The following SDK1 variants were observed in gnomAD, a reference collection of about 807,000 sequenced individuals.
SDK1 encodes protein sidekick-1.
In SDK1, 157 loss-of-function variants were observed where a neutral mutation model predicts 245.5. That is an observed-to-expected ratio of 0.64 (90% CI 0.56 to 0.73). SDK1 has a LOEUF of 0.73. SDK1 is among the 30% of genes least tolerant of loss of function. The pLI is 0.00. For missense variants in SDK1, 3,583 were observed against 3,002.3 expected (o/e 1.19, Z -4.52); for synonymous variants, 1,647 against 1,278.5 (o/e 1.29, Z -6.15).
intron 14 of SDK1, among the ~76,000 whole-genome samples, chr7:3,989,464 C>G (rs987606644): frequency 6.6e-6 from 1 of 152,152 alleles, no homozygotes; most frequent in Non-Finnish European, 1.5e-5. Context: ...ATCATTTATT[C>G]CAGATGAGGG....
At chr7:3,581,153 C>T in intron 1 of SDK1, among the ~76,000 whole-genome samples, 1 of 152,026 alleles carries the variant, frequency 6.6e-6, no homozygotes, top group Admixed American at 6.6e-5. Flanking sequence ...GCAAAATAAA[C>T]TATCAACAGA....
intron 4 of SDK1, among the ~76,000 whole-genome samples, chr7:3,766,970 T>G (rs1780272691): frequency 6.6e-6 from 1 of 152,216 alleles, no homozygotes; most frequent in Non-Finnish European, 1.5e-5. Flanking sequence ...AGCATTGGGT[T>G]TTCGTAGCTA....
chr7:3,405,404 A>C (rs1779024073), intron 1 of SDK1, among the ~76,000 whole-genome samples: 1 of 152,022 alleles, frequency 6.6e-6, no homozygotes, highest in African/African-American at 2.4e-5. Context: ...AGTTGCATGC[A>C]AACAGGCTGT....
chr7:3,849,604 C>T (rs1279872766), intron 5 of SDK1, among the ~76,000 whole-genome samples: 1 of 152,138 alleles, frequency 6.6e-6, no homozygotes, highest in Admixed American at 6.5e-5. Flanking sequence ...TTGGAAGATC[C>T]TGTGAGCCTT....
At chr7:3,963,132 C>A (rs1583652197) in intron 9 of SDK1, among the ~76,000 whole-genome samples, 1 of 114,774 alleles carries the variant, frequency 8.7e-6, no homozygotes, top group East Asian at 2.7e-4. Flanking sequence ...GCTACCTGAT[C>A]TGGACGTATC....
intron 1 of SDK1, among the ~76,000 whole-genome samples, chr7:3,541,046 C>T (rs1455178401): frequency 6.6e-6 from 1 of 152,136 alleles, no homozygotes; most frequent in Non-Finnish European, 1.5e-5. Context: ...AACAGATTTC[C>T]AAAGTGTCTC....
intron 25 of SDK1, among the ~76,000 whole-genome samples, chr7:4,123,603 CT>C (rs1276136206): frequency 6.6e-6 from 1 of 152,176 alleles, no homozygotes; most frequent in Non-Finnish European, 1.5e-5. Context: ...CAAGTATTCC[CT>C]TTCCGTGACA....
At chr7:3,843,629 C>G (rs1029386677) in intron 5 of SDK1, among the ~76,000 whole-genome samples, 1 of 152,142 alleles carries the variant, frequency 6.6e-6, no homozygotes, top group African/African-American at 2.4e-5. Flanking sequence ...TTATTGTGGG[C>G]ACTCAGACAT....
intron 1 of SDK1, among the ~76,000 whole-genome samples, chr7:3,509,235 T>C (rs900257226): frequency 6.6e-6 from 1 of 152,156 alleles, no homozygotes; most frequent in Admixed American, 6.5e-5. Context: ...ACCACTTCTG[T>C]TACAGATGCT....
intron 1 of SDK1, among the ~76,000 whole-genome samples, chr7:3,432,067 C>A (rs1779863490): frequency 6.7e-6 from 1 of 149,968 alleles, no homozygotes; most frequent in South Asian, 2.1e-4. Context: ...ATAACTCAGT[C>A]AGTCTGTGTG....
At chr7:3,331,126 T>C (rs1780058509) in intron 1 of SDK1, among the ~76,000 whole-genome samples, 1 of 151,980 alleles carries the variant, frequency 6.6e-6, no homozygotes. Context: ...TAGCTGGGTG[T>C]GGTGGTGTGC....
chr7:4,130,553 C>T (rs1182491795), intron 27 of SDK1: 1 of 157,854 alleles, frequency 6.3e-6, no homozygotes, highest in Non-Finnish European at 1.4e-5. Context: ...CCTTACTTCC[C>T]TCGGTACTGC....
At chr7:4,248,159 C>G (rs79220655) in intron 44 of SDK1, among the ~76,000 whole-genome samples, 369 of 152,250 alleles carry the variant, frequency 2.4e-3, no homozygotes, top group African/African-American at 8.6e-3. Context: ...TGCATGCACA[C>G]ATGAACACAT....
Position 4,267,409 on chromosome 7 carries a change from G to T in SDK1, c.*2025G>T, listed in dbSNP as rs59185934. 5.4e-3 allele frequency: 5,291 copies of T among 985,022 alleles called. 151 individuals carry two copies. The African/African-American group carries it at 0.064, about 12-fold the overall frequency. 61.0% of individuals were successfully genotyped at this position (985,022 alleles called of 1,614,324 possible). On this transcript the variant is annotated 3_prime_UTR_variant, in exon 45 of 45. Transcript: ENST00000404826. Reference sequence around the variant, plus strand: ...CTAAACCAAAAATCCTAGATGCTCTGCCCAAAGCCACTTCTGCATGAGAAT... The same window carrying T: ...CTAAACCAAAAATCCTAGATGCTCTTCCCAAAGCCACTTCTGCATGAGAAT...
chr7:3,310,499 C>A (rs1431396772), intron 1 of SDK1, among the ~76,000 whole-genome samples: 1 of 152,050 alleles, frequency 6.6e-6, no homozygotes, highest in Non-Finnish European at 1.5e-5. Context: ...GGGATTTGGT[C>A]ATGGGTTGGG....
intron 1 of SDK1, among the ~76,000 whole-genome samples, chr7:3,556,656 A>C (rs1163275298): frequency 6.6e-6 from 1 of 152,018 alleles, no homozygotes; most frequent in African/African-American, 2.4e-5. Context: ...CCTCGTCTCT[A>C]CTAAAAATAC....
intron 1 of SDK1, among the ~76,000 whole-genome samples, chr7:3,331,212 C>T (rs7806483): frequency 0.041 from 6,150 of 151,836 alleles, 378 homozygotes; most frequent in African/African-American, 0.13. Context: ...TGCAGTGAGC[C>T]GAGATTGCAC....
At chr7:3,970,805 C>T (rs1198664447) in intron 11 of SDK1, among the ~76,000 whole-genome samples, 2 of 152,194 alleles carry the variant, frequency 1.3e-5, no homozygotes, top group Non-Finnish European at 1.5e-5. Flanking sequence ...CTGGACTCAC[C>T]ATTAGCAGAG....
intron 4 of SDK1, among the ~76,000 whole-genome samples, chr7:3,732,140 G>C (rs1275560990): frequency 6.6e-6 from 1 of 152,216 alleles, no homozygotes; most frequent in Non-Finnish European, 1.5e-5. Flanking sequence ...TTTGTTAGCA[G>C]TGACTACACA....
Sources: allele counts gnomAD v4.1 joint callset (sites outside exome capture counted in the v4.1 genomes callset), GRCh38; gene constraint gnomAD v4.1.1; transcripts MANE v1.5; gene names NCBI Gene and HGNC (gene_info 2026-07-23, HGNC 2026-07-21).